The following ACCSL variants were observed in gnomAD, a reference collection of about 807,000 sequenced individuals.
ACCSL encodes the protein 1-aminocyclopropane-1-carboxylate synthase homolog (inactive) like.
ACCSL carries 55 observed loss-of-function variants against 61.7 expected under a neutral mutation model. The ratio of observed to expected loss-of-function variants is 0.89; its 90% CI spans 0.72 to 1.12. ACCSL has a LOEUF of 1.12. Ranked by LOEUF, ACCSL falls within the 50% of genes most tolerant of loss-of-function variation. The pLI is 0.00. For synonymous variants in ACCSL, 258 were observed against 264.3 expected, an observed-to-expected ratio of 0.98 and a Z score of 0.23; for missense variants, 632 against 698.0, an observed-to-expected ratio of 0.91 and a Z score of 1.07.
chr11:43,987,678 C>T, the ACCSL span, among the ~76,000 whole-genome samples: 3 of 152,114 alleles, frequency 2.0e-5, no homozygotes, highest in African/African-American at 7.2e-5. Flanking sequence ...TCATCCAGGC[C>T]AGGTCCAGTG....
chr11:44,026,379 A>T, the ACCSL span, among the ~76,000 whole-genome samples: 2 of 152,170 alleles, frequency 1.3e-5, no homozygotes, highest in Non-Finnish European at 2.9e-5. Context: ...GCTTCCTTAA[A>T]AAAAAGGTCT....
At chr11:44,000,006 C>T in the ACCSL span, among the ~76,000 whole-genome samples, 27 of 152,304 alleles carry the variant, frequency 1.8e-4, no homozygotes, top group East Asian at 3.9e-4. Flanking sequence ...GGGCCAAGCA[C>T]GGTGTATCAT....
chr11:44,052,725 A>C lies in ACCSL; in HGVS notation c.836A>C (p.Lys279Thr). 6.2e-7 allele frequency: 1 copy of C among 1,614,000 alleles called. No individual in the cohort carries two copies. Among genetic ancestry groups the C allele is most frequent in the South Asian group, 1.1e-5 (1 of 91,072 alleles). Residue 279 changes from lysine (K) to threonine (T), a missense_variant, in exon 6 of 14, where the codon AAG becomes ACG. Physicochemically the swap from Lys to Thr is moderately conservative, Grantham distance 78. Coordinates refer to ENST00000378832, the MANE Select transcript of ACCSL (RefSeq NM_001031854.2). ...GCCTTTAGCTCCCGCCTGTATGCAAAGGTTGAGTTGATTCCTGTCCACCTG... is the reference window on the plus strand; with the variant it reads ...GCCTTTAGCTCCCGCCTGTATGCAACGGTTGAGTTGATTCCTGTCCACCTG... ...GFAFSSRLYA[K>T]VELIPVHLES...
chr11:44,050,732 G>T (rs1952631871), intron 3 of ACCSL, 110 bp downstream of exon 3: 2 of 952,306 alleles, frequency 2.1e-6, no homozygotes, highest in Non-Finnish European at 3.2e-6. Flanking sequence ...TATCTCTTTG[G>T]GTAATAACTT....
chr11:44,036,358 G>A, the ACCSL span, among the ~76,000 whole-genome samples: 1 of 152,262 alleles, frequency 6.6e-6, no homozygotes, highest in African/African-American at 2.4e-5. Context: ...CAAGTAGCAT[G>A]AACTTGGACA....
the ACCSL span, among the ~76,000 whole-genome samples, chr11:43,985,905 G>T: frequency 2.6e-5 from 4 of 152,066 alleles, no homozygotes; most frequent in African/African-American, 9.7e-5. Context: ...GCATGGTGGG[G>T]AGTATGCCTG....
At chr11:43,929,824 G>A in the ACCSL span, among the ~76,000 whole-genome samples, 17 of 152,194 alleles carry the variant, frequency 1.1e-4, no homozygotes, top group Non-Finnish European at 2.4e-4. Context: ...GGGATTACAG[G>A]TGTGAACCAC....
chr11:43,988,225 C>T, the ACCSL span, among the ~76,000 whole-genome samples: 62 of 152,268 alleles, frequency 4.1e-4, no homozygotes, highest in Non-Finnish European at 7.2e-4. Flanking sequence ...TCTGTTCCCC[C>T]GCTAGGGGGA....
At chr11:43,967,207 C>A in the ACCSL span, among the ~76,000 whole-genome samples, 21 of 82,000 alleles carry the variant, frequency 2.6e-4, no homozygotes, top group African/African-American at 9.8e-4. Context: ...GATGGAGTTT[C>A]GCTCTTGTCG....
At chr11:43,942,404 CG>C in the ACCSL span, 2 of 206,358 alleles carry the variant, frequency 9.7e-6, no homozygotes, top group South Asian at 5.0e-5. Flanking sequence ...CCGCGTGCTC[CG>C]GGGCCGCGGC....
chr11:44,001,286 T>A, the ACCSL span: 1 of 151,602 alleles, frequency 6.6e-6, no homozygotes, highest in East Asian at 2.0e-4. Flanking sequence ...CAAAATGAAA[T>A]TGCAAGCAAG....
chr11:44,048,130 A>T lies in ACCSL; in HGVS notation c.94A>T (p.Ile32Leu). ...CAGCATCTATACCCAGCTGTTGGAGATAACGCTGCACTTGCAGCAGGCCAT... is the reference window on the plus strand; with the variant it reads ...CAGCATCTATACCCAGCTGTTGGAGTTAACGCTGCACTTGCAGCAGGCCAT... The part of the protein sequence containing the change: ...DHSIYTQLLE[I>L]TLHLQQAMTE... The change falls in exon 1 of 14, where the codon ATA (isoleucine) becomes TTA (leucine). Residue 32 changes from isoleucine to leucine, a missense_variant. Physicochemically the swap from Ile to Leu is conservative, Grantham distance 5. Coordinates refer to ENST00000378832, the MANE Select transcript of ACCSL (RefSeq NM_001031854.2). 6.2e-7 allele frequency: 1 copy of T among 1,614,182 alleles called. No homozygotes were observed. Among genetic ancestry groups the T allele is most frequent in the Non-Finnish European group, 8.5e-7 (1 of 1,180,036 alleles).
the ACCSL span, among the ~76,000 whole-genome samples, chr11:43,938,889 T>A: frequency 6.6e-6 from 1 of 152,198 alleles, no homozygotes; most frequent in Non-Finnish European, 1.5e-5. Flanking sequence ...CTTAATATAA[T>A]ACTTTGCCAC....
At chr11:44,009,285 C>T in the ACCSL span, among the ~76,000 whole-genome samples, 1 of 152,202 alleles carries the variant, frequency 6.6e-6, no homozygotes, top group Non-Finnish European at 1.5e-5. Flanking sequence ...CTTCTCCCAG[C>T]TGCTAAAAAG....
Position 44,048,344 on chromosome 11 carries a change from G to T in ACCSL, c.308G>T (p.Gly103Val), listed in dbSNP as rs776956310. ...QVPLPSEDSR[G>V]DVRYGQRAQL... Reference sequence around the variant, plus strand: ...CCTCTTCCTTCTGAGGACTCTAGGGGTGATGTCAGATATGGGCAGAGGGCC... The same window carrying T: ...CCTCTTCCTTCTGAGGACTCTAGGGTTGATGTCAGATATGGGCAGAGGGCC... Residue 103 changes from glycine to valine, a missense_variant, in exon 1 of 14, where the codon GGT becomes GTT. By Grantham distance (109) the Gly-to-Val change is moderately radical (BLOSUM62 -3). Transcript: ENST00000378832. 5.0e-6 allele frequency: 8 copies of T among 1,614,114 alleles called. No individual in the cohort carries two copies. The highest frequency in any genetic ancestry group is 6.8e-6 in the Non-Finnish European group (8 of 1,180,028).
the ACCSL span, among the ~76,000 whole-genome samples, chr11:43,955,523 A>G: frequency 6.6e-6 from 1 of 152,058 alleles, no homozygotes; most frequent in Admixed American, 6.5e-5. Flanking sequence ...ACTCAAACCA[A>G]TCTCCCTGAA....
At chr11:43,983,461 C>T in the ACCSL span, among the ~76,000 whole-genome samples, 4 of 152,192 alleles carry the variant, frequency 2.6e-5, no homozygotes, top group South Asian at 2.1e-4. Context: ...GAACCAGCCA[C>T]GGGTTATACC....
the ACCSL span, among the ~76,000 whole-genome samples, chr11:44,036,632 A>G: frequency 1.3e-5 from 2 of 151,942 alleles, no homozygotes; most frequent in Non-Finnish European, 2.9e-5. Flanking sequence ...AAATACAAAA[A>G]TTACCCATGT....
rs768575115 is a variant in ACCSL at position 44,053,021 on chromosome 11, C to T, written c.901C>T (p.Leu301Phe). Reference protein sequence around the residue: ...VTVTNTHPFQLTVDKLEEALL... With the variant: ...VTVTNTHPFQFTVDKLEEALL... ...TGTTACAAACACCCATCCTTTCCAG[C>T]TCACTGTGGACAAGTTAGAGGAAGC... is the stretch of plus-strand genomic sequence containing the variant. The change falls in exon 7 of 14, where the codon CTC becomes TTC. Residue 301 changes from leucine to phenylalanine, a missense_variant. Coordinates refer to ENST00000378832, the MANE Select transcript of ACCSL (RefSeq NM_001031854.2). 1.6e-5 allele frequency: 26 copies of T among 1,614,066 alleles called. No individual in the cohort carries two copies. The East Asian group carries it at 5.6e-4, about 35-fold the overall frequency.
Sources: gnomAD v4.1 joint callset for allele counts (sites outside exome capture counted in the v4.1 genomes callset) on GRCh38, gnomAD v4.1.1 for gene constraint, MANE v1.5 for transcripts, NCBI Gene and HGNC (gene_info 2026-07-23, HGNC 2026-07-21) for gene names.